Variants in USP25 observed in about 807,000 individuals in gnomAD.
USP25 encodes ubiquitin carboxyl-terminal hydrolase 25.
USP25 carries 85 observed loss-of-function variants against 158.5 expected under a neutral mutation model. That is an observed-to-expected ratio of 0.54 (90% CI 0.45 to 0.64). USP25 has a LOEUF of 0.64. Among genes scored for constraint, USP25 ranks in the 30% least tolerant of loss-of-function variants. USP25 has a pLI of 0.00. For synonymous variants in USP25, 464 were observed against 460.4 expected (o/e 1.01, Z -0.10); for missense variants, 1,242 against 1,327.3 (o/e 0.94, Z 1.00).
chr21:15,858,193 G>GAGA (rs1290685980), intron 20 of USP25, among the ~76,000 whole-genome samples: 5 of 151,878 alleles, frequency 3.3e-5, no homozygotes, highest in African/African-American at 1.2e-4. Flanking sequence ...TTTTTCTTCT[G>GAGA]ATGATTTTTA....
intron 4 of USP25, among the ~76,000 whole-genome samples, chr21:15,786,545 A>AG (rs2035285830): frequency 2.6e-5 from 4 of 152,198 alleles, no homozygotes; most frequent in African/African-American, 7.2e-5. Context: ...CAGTAGATAC[A>AG]GAAAAAAGCA....
intron 10 of USP25, among the ~76,000 whole-genome samples, chr21:15,819,343 T>C (rs1007067579): frequency 6.6e-6 from 1 of 152,202 alleles, no homozygotes; most frequent in Non-Finnish European, 1.5e-5. Context: ...TGTTAACTTA[T>C]ATGTCTACCT....
At chr21:15,865,909 A>G (rs2039634762) in intron 21 of USP25, among the ~76,000 whole-genome samples, 1 of 152,124 alleles carries the variant, frequency 6.6e-6, no homozygotes, top group African/African-American at 2.4e-5. Flanking sequence ...AAATAATACC[A>G]TGTGGGGGGA....
At chr21:15,790,062 A>G (rs762647683) in intron 4 of USP25, among the ~76,000 whole-genome samples, 72 of 152,154 alleles carry the variant, frequency 4.7e-4, no homozygotes, top group African/African-American at 1.6e-3. Flanking sequence ...CTGTCTTTCT[A>G]TCTCTCCCTT....
At chr21:15,756,901 A>G (rs1282739330) in intron 1 of USP25, among the ~76,000 whole-genome samples, 1 of 152,212 alleles carries the variant, frequency 6.6e-6, no homozygotes, top group Non-Finnish European at 1.5e-5. Context: ...TACAAGGAGC[A>G]TCTCAGAGCC....
At position 15,777,920 on chromosome 21, in the gene USP25, T is replaced by A. The variant is rs1261100892; in HGVS notation, c.285T>A (p.Thr95=). The change falls in exon 4 of 26, where the codon ACT becomes ACA. Residue 95 remains threonine, a synonymous_variant. Coordinates refer to ENST00000400183, the MANE Select transcript of USP25 (RefSeq NM_001283041.3). ...GCTTTTCAGATGTGATTGATCTCACTGGAGATGATAAAGATGATCTTCAGA... is the reference window on the plus strand; with the variant it reads ...GCTTTTCAGATGTGATTGATCTCACAGGAGATGATAAAGATGATCTTCAGA... ...SQADTNVIDL[T]GDDKDDLQRA... 6.2e-7 allele frequency: 1 copy of A among 1,608,970 alleles called. No homozygotes were observed. Among genetic ancestry groups the A allele is most frequent in the Non-Finnish European group, 8.5e-7 (1 of 1,178,490 alleles).
chr21:15,774,626 T>C (rs897781107), intron 3 of USP25, among the ~76,000 whole-genome samples: 4 of 152,196 alleles, frequency 2.6e-5, no homozygotes, highest in Non-Finnish European at 5.9e-5. Context: ...TTTACACTAG[T>C]TGTTAGCAAC....
intron 3 of USP25, among the ~76,000 whole-genome samples, chr21:15,770,429 G>T (rs946828261): frequency 2.6e-5 from 4 of 152,110 alleles, no homozygotes; most frequent in African/African-American, 9.7e-5. Context: ...TTTTGGGTTA[G>T]AATGATAGCC....
intron 20 of USP25, among the ~76,000 whole-genome samples, chr21:15,861,394 A>G (rs748190919): frequency 5.3e-5 from 8 of 152,190 alleles, no homozygotes; most frequent in Non-Finnish European, 1.0e-4. Context: ...AATGACTAGT[A>G]TCACATTTCA....
chr21:15,812,941 A>G (rs2036745274), intron 9 of USP25, among the ~76,000 whole-genome samples: 1 of 151,968 alleles, frequency 6.6e-6, no homozygotes, highest in South Asian at 2.1e-4. Context: ...GAGAACTTCT[A>G]GTTCATTGTC....
At chr21:15,877,681 G>A in intron 24 of USP25, 115 bp from the exon 25 acceptor site, 1 of 761,650 alleles carries the variant, frequency 1.3e-6, no homozygotes, top group Non-Finnish European at 2.1e-6. Context: ...AATACCGTTT[G>A]TTCTAATACT....
At chr21:15,733,701 G>T (rs2031192076) in intron 1 of USP25, among the ~76,000 whole-genome samples, 1 of 152,118 alleles carries the variant, frequency 6.6e-6, no homozygotes, top group Non-Finnish European at 1.5e-5. Context: ...AATTAGCCAG[G>T]CGTGGTGGCA....
chr21:15,876,843 C>T (rs1161147752), intron 24 of USP25: 2 of 152,138 alleles, frequency 1.3e-5, no homozygotes, highest in Non-Finnish European at 2.9e-5. Flanking sequence ...TGGTGTAAAT[C>T]TAAATATATA....
intron 5 of USP25, among the ~76,000 whole-genome samples, chr21:15,798,160 C>T (rs868342742): frequency 6.6e-6 from 1 of 151,226 alleles, no homozygotes; most frequent in Non-Finnish European, 1.5e-5. Flanking sequence ...GTTGCCAAAT[C>T]CAAAGGTTAT....
At chr21:15,817,107 G>A (rs146492158) in intron 9 of USP25, among the ~76,000 whole-genome samples, 4,117 of 151,876 alleles carry the variant, frequency 0.027, 192 homozygotes, top group African/African-American at 0.092. Context: ...GCTCCAGACT[G>A]GGTGACAGAG....
intron 1 of USP25, among the ~76,000 whole-genome samples, chr21:15,737,775 CA>C (rs946282193): frequency 1.1e-4 from 16 of 151,022 alleles, no homozygotes; most frequent in Admixed American, 7.2e-4. Context: ...TCATCATATA[CA>C]GATTGAATCT....
intron 17 of USP25, among the ~76,000 whole-genome samples, chr21:15,836,058 T>C (rs2038049587): frequency 6.6e-6 from 1 of 152,178 alleles, no homozygotes; most frequent in African/African-American, 2.4e-5. Flanking sequence ...TAATTTAATT[T>C]GGTATAATAC....
intron 8 of USP25, among the ~76,000 whole-genome samples, chr21:15,810,280 T>A (rs2036592941): frequency 6.6e-6 from 1 of 152,080 alleles, no homozygotes; most frequent in Non-Finnish European, 1.5e-5. Context: ...ATCAACATTA[T>A]TCTAAGGATT....
intron 1 of USP25, among the ~76,000 whole-genome samples, chr21:15,754,489 A>G (rs565858726): frequency 2.6e-5 from 4 of 152,312 alleles, no homozygotes; most frequent in African/African-American, 4.8e-5. Context: ...TCTGAAGTTT[A>G]AGAGTTCTTG....
Sources: allele counts gnomAD v4.1 joint callset (sites outside exome capture counted in the v4.1 genomes callset), GRCh38; gene constraint gnomAD v4.1.1; transcripts MANE v1.5; gene names NCBI Gene and HGNC (gene_info 2026-07-23, HGNC 2026-07-21).